The following SEZ6L variants were observed in gnomAD, a reference collection of about 807,000 sequenced individuals.
The protein encoded by SEZ6L is seizure related 6 homolog like, also known as seizure 6-like protein.
SEZ6L carries 37 observed loss-of-function variants against 106.2 expected under a neutral mutation model. The observed-to-expected ratio is 0.35, with a 90% confidence interval of 0.27 to 0.46. The LOEUF is 0.46. Ranked by LOEUF, SEZ6L falls within the 20% of genes least tolerant of loss-of-function variation. SEZ6L has a pLI of 1.00. For missense variants in SEZ6L, 1,172 were observed against 1,332.8 expected (o/e 0.88, Z 1.88); for synonymous variants, 541 against 570.4 (o/e 0.95, Z 0.73).
intron 1 of SEZ6L, among the ~76,000 whole-genome samples, chr22:26,275,430 C>T (rs528911020): frequency 6.6e-6 from 1 of 152,168 alleles, no homozygotes; most frequent in Non-Finnish European, 1.5e-5. Context: ...AAGATGTTTT[C>T]AATTTACAGT....
Position 26,351,540 on chromosome 22 carries a change from T to TGTTGGTTG in SEZ6L, c.2599+300_2599+301insGGTTGGTT, listed in dbSNP as rs11281026. 7.3e-3 allele frequency: 1,741 copies of TGTTGGTTG among 238,088 alleles called. 28 individuals carry two copies. The highest frequency in any genetic ancestry group is 0.041 in the East Asian group (422 of 10,358). 14.7% of individuals were successfully genotyped at this position (238,088 alleles called of 1,614,324 possible). A position where few individuals can be genotyped will look rare whatever the true frequency, so the allele number is the denominator to read the frequency against. The stretch of plus-strand genomic sequence containing the variant: ...TTGTTTGTTTGTTTGTTTGTTTGTT[T>TGTTGGTTG]GTTTGTTGGTTGGTTGGTTGGTTTT... On this transcript the variant is annotated intron_variant, in intron 12 of 16. Coordinates refer to ENST00000248933, the MANE Select transcript of SEZ6L (RefSeq NM_021115.5).
At chr22:26,263,157 A>G (rs2080071871) in intron 1 of SEZ6L, among the ~76,000 whole-genome samples, 1 of 151,994 alleles carries the variant, frequency 6.6e-6, no homozygotes, top group South Asian at 2.1e-4. Flanking sequence ...CCTCCCCTGG[A>G]CTCATTTCCA....
chr22:26,226,013 G>A (rs746140986), intron 1 of SEZ6L, among the ~76,000 whole-genome samples: 4 of 152,132 alleles, frequency 2.6e-5, no homozygotes, highest in Non-Finnish European at 5.9e-5. Flanking sequence ...TCCAAGTCCT[G>A]ATAATTTTGC....
At chr22:26,193,463 A>C (rs189570420) in intron 1 of SEZ6L, among the ~76,000 whole-genome samples, 1 of 152,330 alleles carries the variant, frequency 6.6e-6, no homozygotes, top group East Asian at 1.9e-4. Flanking sequence ...TGGTTCTGCT[A>C]TCACATGGTG....
At chr22:26,296,525 A>C (rs900901176) in intron 3 of SEZ6L, among the ~76,000 whole-genome samples, 1 of 152,220 alleles carries the variant, frequency 6.6e-6, no homozygotes, top group Non-Finnish European at 1.5e-5. Flanking sequence ...TCTCAAGCAC[A>C]AGCTGATCCA....
chr22:26,211,264 A>G (rs2078149034), intron 1 of SEZ6L, among the ~76,000 whole-genome samples: 1 of 152,240 alleles, frequency 6.6e-6, no homozygotes, highest in African/African-American at 2.4e-5. Context: ...GTTTTGCTGT[A>G]GTACACTTTC....
intron 1 of SEZ6L, among the ~76,000 whole-genome samples, chr22:26,262,772 C>T (rs2080057501): frequency 6.6e-6 from 1 of 152,158 alleles, no homozygotes; most frequent in Non-Finnish European, 1.5e-5. Flanking sequence ...AAGCCCAGGA[C>T]ATGAAGCTCA....
rs2083056740 is a variant in SEZ6L at position 26,347,728 on chromosome 22, G to A, written c.2222G>A (p.Arg741Lys). 1 of 1,603,646 alleles carries A rather than the reference G, an allele frequency of 6.2e-7. No homozygotes were observed. Among genetic ancestry groups the A allele is most frequent in the South Asian group, 1.1e-5 (1 of 89,186 alleles). The stretch of plus-strand genomic sequence containing the variant: ...CGTTTCTCTTTTAAAGAGGTATCAA[G>A]GAATGACTCCTGCTCGGATTTACCC... ...GFIMNYIEVS[R>K]NDSCSDLPEI... The change falls in exon 11 of 17, where the codon AGG becomes AAG. Residue 741 changes from arginine (R) to lysine (K), a missense_variant. By Grantham distance (26) the Arg-to-Lys change is conservative. Around this residue, in one of 4 missense-constraint regions of SEZ6L, gnomAD observed 534 missense variants for 691.0 expected, o/e 0.77. Coordinates refer to ENST00000248933, the MANE Select transcript of SEZ6L (RefSeq NM_021115.5).
intron 9 of SEZ6L, among the ~76,000 whole-genome samples, chr22:26,318,142 C>T: frequency 6.6e-6 from 1 of 151,838 alleles, no homozygotes. Context: ...GGTGCCATCT[C>T]AGCTCACTGC....
At chr22:26,348,656 A>AAG (rs1248313600) in intron 11 of SEZ6L, among the ~76,000 whole-genome samples, 4 of 46,630 alleles carry the variant, frequency 8.6e-5, no homozygotes, top group African/African-American at 3.7e-4. Flanking sequence ...AAAAGAAAGA[A>AAG]AGAAAGAAAG....
chr22:26,219,243 G>A (rs1326612562), intron 1 of SEZ6L, among the ~76,000 whole-genome samples: 1 of 125,938 alleles, frequency 7.9e-6, no homozygotes, highest in African/African-American at 2.9e-5. Context: ...GAAGATGTTC[G>A]AGAAATACAA....
At chr22:26,353,161 T>C (rs2083332580) in intron 12 of SEZ6L, among the ~76,000 whole-genome samples, 1 of 152,246 alleles carries the variant, frequency 6.6e-6, no homozygotes, top group Non-Finnish European at 1.5e-5. Flanking sequence ...AGTCCCAGAA[T>C]TTCAGAGCTG....
chr22:26,347,570 G>A (rs1407135294), intron 10 of SEZ6L, 149 bp from the exon 11 acceptor site: 4 of 574,616 alleles, frequency 7.0e-6, no homozygotes, highest in South Asian at 2.6e-5. Context: ...CACTATAGAC[G>A]AGCTCTTGCC....
chr22:26,180,527 G>C (rs575203157), intron 1 of SEZ6L, among the ~76,000 whole-genome samples: 9 of 152,326 alleles, frequency 5.9e-5, no homozygotes, highest in African/African-American at 2.2e-4. Flanking sequence ...TTTGGACATA[G>C]AACACAAAAG....
chr22:26,237,182 T>TA (rs1427999001), intron 1 of SEZ6L, among the ~76,000 whole-genome samples: 1 of 152,208 alleles, frequency 6.6e-6, no homozygotes, highest in Non-Finnish European at 1.5e-5. Context: ...ATCAAGTTTC[T>TA]ACCTAATATG....
chr22:26,369,357 T>TTTTTTTTTTTTTTTTTTTTTTTTTTG, intron 13 of SEZ6L, among the ~76,000 whole-genome samples: 1 of 130,512 alleles, frequency 7.7e-6, no homozygotes, highest in South Asian at 3.0e-4. Flanking sequence ...TTTTTTTTTT[T>TTTTTTTTTTTTTTTTTTTTTTTTTTG]GAGACAGATT....
intron 5 of SEZ6L, among the ~76,000 whole-genome samples, chr22:26,302,154 A>G (rs182052862): frequency 3.9e-5 from 6 of 152,334 alleles, no homozygotes; most frequent in Non-Finnish European, 5.9e-5. Context: ...AACTTAGTCC[A>G]GATCCCTTCT....
intron 9 of SEZ6L, among the ~76,000 whole-genome samples, chr22:26,337,897 G>A (rs1394743582): frequency 1.3e-5 from 2 of 152,122 alleles, no homozygotes; most frequent in Non-Finnish European, 2.9e-5. Context: ...AAGGTATTGG[G>A]GTGAATAAAA....
At chr22:26,197,746 C>T (rs1940671648) in intron 1 of SEZ6L, among the ~76,000 whole-genome samples, 1 of 152,132 alleles carries the variant, frequency 6.6e-6, no homozygotes, top group Non-Finnish European at 1.5e-5. Context: ...GGCTTCCTTC[C>T]TAGGTGACAG....
Sources: gnomAD v4.1 joint callset for allele counts (sites outside exome capture counted in the v4.1 genomes callset) on GRCh38, gnomAD v4.1.1 for gene constraint, gnomAD v4.1.1 regional missense constraint, MANE v1.5 for transcripts, NCBI Gene and HGNC (gene_info 2026-07-23, HGNC 2026-07-21) for gene names.